The following CLDN10 variants were observed in gnomAD, a reference collection of about 807,000 sequenced individuals.
CLDN10 encodes the protein claudin 10, also known as claudin-10.
Under a neutral mutation model 22.9 loss-of-function variants are expected in CLDN10, and 15 were observed. The ratio of observed to expected loss-of-function variants is 0.65; its 90% confidence interval spans 0.44 to 1.01. The LOEUF (loss-of-function observed/expected upper bound fraction) is 1.01, where lower values mean the gene tolerates loss of function less well. CLDN10 is among the 50% of genes least tolerant of loss of function. The pLI, the probability that CLDN10 is intolerant of heterozygous loss-of-function variation, is 0.00. For synonymous variants in CLDN10, 114 were observed against 111.4 expected, an observed-to-expected ratio of 1.02 and a Z score of -0.15; for missense variants, 247 against 287.8, an observed-to-expected ratio of 0.86 and a Z score of 1.03.
intron 1 of CLDN10, among the ~76,000 whole-genome samples, chr13:95,512,863 G>A (rs1266428063): frequency 2.0e-5 from 3 of 152,122 alleles, no homozygotes; most frequent in African/African-American, 7.2e-5. Flanking sequence ...CACACAGTAA[G>A]AGTTTTATTT....
intron 3 of CLDN10, among the ~76,000 whole-genome samples, chr13:95,562,257 G>A (rs910170237): frequency 3.3e-5 from 5 of 151,862 alleles, no homozygotes; most frequent in Non-Finnish European, 5.9e-5. Context: ...ATTTTTTAAC[G>A]GAGACAGGTC....
At chr13:95,536,903 C>A (rs2043406309) in intron 1 of CLDN10, among the ~76,000 whole-genome samples, 1 of 152,162 alleles carries the variant, frequency 6.6e-6, no homozygotes, top group South Asian at 2.1e-4. Flanking sequence ...GTCTTTGCTG[C>A]TAGTGGTATT....
intron 1 of CLDN10, among the ~76,000 whole-genome samples, chr13:95,532,337 T>G (rs116330166): frequency 0.01 from 1,543 of 152,056 alleles, 26 homozygotes; most frequent in African/African-American, 0.035. Context: ...AGCAAAAAAT[T>G]TGGACAGGCA....
chr13:95,458,637 C>T (rs2042506086), intron 1 of CLDN10, among the ~76,000 whole-genome samples: 1 of 152,176 alleles, frequency 6.6e-6, no homozygotes, highest in African/African-American at 2.4e-5. Flanking sequence ...GATTCAATTA[C>T]CTCCACCTGG....
intron 1 of CLDN10, among the ~76,000 whole-genome samples, chr13:95,556,070 A>G (rs571866513): frequency 6.6e-6 from 1 of 151,666 alleles, no homozygotes; most frequent in African/African-American, 2.4e-5. Flanking sequence ...TTTTGAGACA[A>G]AGTTTCACTC....
chr13:95,550,937 T>C (rs1002131089), upstream of CLDN10, among the ~76,000 whole-genome samples: 1 of 149,872 alleles, frequency 6.7e-6, no homozygotes, highest in Admixed American at 6.8e-5. Context: ...CCTCCCAAAG[T>C]GCTGGGATTA....
intron 1 of CLDN10, among the ~76,000 whole-genome samples, chr13:95,512,521 G>A (rs909049302): frequency 6.6e-6 from 1 of 152,192 alleles, no homozygotes; most frequent in African/African-American, 2.4e-5. Context: ...GATAGCGAGT[G>A]TTTTAACTTC....
At chr13:95,484,908 A>C (rs1305091163) in intron 1 of CLDN10, among the ~76,000 whole-genome samples, 1 of 151,008 alleles carries the variant, frequency 6.6e-6, no homozygotes, top group African/African-American at 2.4e-5. Flanking sequence ...AGCAGAGTGC[A>C]ATACAACATG....
upstream of CLDN10, among the ~76,000 whole-genome samples, chr13:95,551,520 T>C (rs1462000203): frequency 6.6e-6 from 1 of 151,704 alleles, no homozygotes; most frequent in Admixed American, 6.6e-5. Context: ...GGGCACCCAT[T>C]TGGTTAAAAA....
chr13:95,451,420 T>C (rs935401484), intron 1 of CLDN10, among the ~76,000 whole-genome samples: 1 of 152,216 alleles, frequency 6.6e-6, no homozygotes, highest in Non-Finnish European at 1.5e-5. Context: ...TAGGTCTCCC[T>C]GGCACTTGGT....
At chr13:95,512,630 G>A (rs2043116941) in intron 1 of CLDN10, among the ~76,000 whole-genome samples, 1 of 152,166 alleles carries the variant, frequency 6.6e-6, no homozygotes, top group East Asian at 1.9e-4. Flanking sequence ...AGTATCAGCT[G>A]CAGCCCTGTG....
At chr13:95,496,963 C>CCTG (rs1201674921) in intron 1 of CLDN10, 2 of 152,156 alleles carry the variant, frequency 1.3e-5, no homozygotes, top group Admixed American at 6.5e-5. Flanking sequence ...TGAACTCAAT[C>CCTG]CCAGCTCCAC....
chr13:95,446,961 C>T (rs1028571725), intron 1 of CLDN10, among the ~76,000 whole-genome samples: 3 of 152,156 alleles, frequency 2.0e-5, no homozygotes, highest in East Asian at 1.9e-4. Context: ...TCTGGGAGAA[C>T]GGACTACTAC....
At chr13:95,544,003 T>A (rs1244232955) in intron 1 of CLDN10, among the ~76,000 whole-genome samples, 1 of 152,182 alleles carries the variant, frequency 6.6e-6, no homozygotes, top group Non-Finnish European at 1.5e-5. Context: ...TTACAGTCTG[T>A]TTTTGAGAGT....
chr13:95,508,295 T>C (rs898331582), intron 1 of CLDN10, among the ~76,000 whole-genome samples: 4 of 152,126 alleles, frequency 2.6e-5, no homozygotes, highest in Non-Finnish European at 5.9e-5. Context: ...TCTTCCTGAC[T>C]CCTCTTCTCT....
chr13:95,531,388 T>C (rs2043340522), intron 1 of CLDN10, among the ~76,000 whole-genome samples: 1 of 152,188 alleles, frequency 6.6e-6, no homozygotes, highest in Admixed American at 6.5e-5. Flanking sequence ...AACAAATTGA[T>C]TCATATTTTA....
upstream of CLDN10, among the ~76,000 whole-genome samples, chr13:95,551,326 A>C (rs1433331147): frequency 1.3e-5 from 2 of 152,212 alleles, no homozygotes; most frequent in Admixed American, 1.3e-4. Flanking sequence ...GTTGCCATGC[A>C]CTGAACTGCT....
chr13:95,553,124 A>G (rs2138643482), intron 1 of CLDN10, 151 bp downstream of exon 1: 1 of 1,153,658 alleles, frequency 8.7e-7, no homozygotes, highest in South Asian at 1.6e-5. Flanking sequence ...TTAGGGAGCC[A>G]GGGACGCTCC....
chr13:95,484,824 C>T (rs1263577815), intron 1 of CLDN10, among the ~76,000 whole-genome samples: 18 of 144,362 alleles, frequency 1.2e-4, no homozygotes, highest in African/African-American at 4.4e-4. Flanking sequence ...CAAGATTGTG[C>T]CACTGCACTC....
Sources: gnomAD v4.1 joint callset for allele counts (sites outside exome capture counted in the v4.1 genomes callset) on GRCh38, gnomAD v4.1.1 for gene constraint, MANE v1.5 for transcripts, NCBI Gene and HGNC (gene_info 2026-07-23, HGNC 2026-07-21) for gene names.